EPB41L2: variants seen among roughly 807,000 people sequenced by gnomAD.
The protein encoded by EPB41L2 is erythrocyte membrane protein band 4.1 like 2.
A neutral mutation model predicts 113.0 loss-of-function variants in EPB41L2; 43 were observed. The ratio of observed to expected loss-of-function variants is 0.38; its 90% CI spans 0.30 to 0.49. The LOEUF (loss-of-function observed/expected upper bound fraction) is 0.49, where lower values mean the gene tolerates loss of function less well. Among genes scored for constraint, EPB41L2 ranks in the 20% least tolerant of loss-of-function variants. The pLI is 0.95. For synonymous variants in EPB41L2, 442 were observed against 436.7 expected, an observed-to-expected ratio of 1.01 and a Z score of -0.15; for missense variants, 1,147 against 1,223.4, an observed-to-expected ratio of 0.94 and a Z score of 0.93.
intron 1 of EPB41L2, among the ~76,000 whole-genome samples, chr6:131,050,412 C>T (rs982323230): frequency 1.3e-5 from 2 of 152,156 alleles, no homozygotes; most frequent in African/African-American, 4.8e-5. Flanking sequence ...TATTTATTCC[C>T]TGCAACATCT....
intron 18 of EPB41L2, among the ~76,000 whole-genome samples, chr6:130,861,006 A>G (rs1394365878): frequency 6.6e-6 from 1 of 152,158 alleles, no homozygotes; most frequent in African/African-American, 2.4e-5. Context: ...GCCAACACAA[A>G]AAAGATTTCT....
chr6:130,852,446 C>T (rs929624995), intron 19 of EPB41L2, among the ~76,000 whole-genome samples: 8 of 152,186 alleles, frequency 5.3e-5, no homozygotes, highest in Non-Finnish European at 1.0e-4. Flanking sequence ...TACACCTTTG[C>T]TTTAAGGTAG....
intron 1 of EPB41L2, among the ~76,000 whole-genome samples, chr6:131,026,027 A>G (rs561303852): frequency 1.4e-4 from 22 of 152,366 alleles, no homozygotes; most frequent in African/African-American, 5.3e-4. Context: ...GATTGAAATT[A>G]TTAAAAAGAC....
chr6:131,026,610 T>C (rs1790913046), intron 1 of EPB41L2, among the ~76,000 whole-genome samples: 1 of 152,160 alleles, frequency 6.6e-6, no homozygotes, highest in Admixed American at 6.6e-5. Context: ...TTTATGAGGG[T>C]AGTCACTTTG....
At chr6:130,881,992 C>T (rs1324084661) in intron 12 of EPB41L2, 1 of 152,172 alleles carries the variant, frequency 6.6e-6, no homozygotes. Context: ...GTAAAGGTTA[C>T]AGATACATCC....
In EPB41L2 at chr6:130,920,253, T is replaced by TA. The variant is rs978986041; in HGVS notation, c.810+6351dup. ...CGAGGCTATTTCAATTTAAATTACT[T>TA]ACAGTAAATAAAATTTAAGTCTATT... On this transcript the variant is annotated intron_variant, in intron 4 of 19. Coordinates refer to ENST00000337057, the MANE Select transcript of EPB41L2 (RefSeq NM_001431.4). Among the ~76,000 whole-genome samples, 11 of 152,348 alleles carry TA rather than the reference T, an allele frequency of 7.2e-5. 1 individual carries two copies. Among genetic ancestry groups the TA allele is most frequent in the Admixed American group, 6.5e-4 (10 of 15,300 alleles).
chr6:131,053,147 C>T (rs539334235), intron 1 of EPB41L2, among the ~76,000 whole-genome samples: 35 of 152,046 alleles, frequency 2.3e-4, no homozygotes, highest in Admixed American at 2.0e-4. Context: ...CTGCCCGCCT[C>T]GGCCTCCCAA....
chr6:130,935,864 A>G (rs1230473718), intron 3 of EPB41L2, among the ~76,000 whole-genome samples: 3 of 152,082 alleles, frequency 2.0e-5, no homozygotes, highest in Non-Finnish European at 4.4e-5. Flanking sequence ...CCAGGAACCA[A>G]TTCCCACTCC....
intron 10 of EPB41L2, among the ~76,000 whole-genome samples, chr6:130,893,859 G>A (rs1562414704): frequency 6.6e-6 from 1 of 152,170 alleles, no homozygotes. Flanking sequence ...AAGTCAGGAG[G>A]CAGCTGATGA....
chr6:130,843,212 T>TAAAG (rs1583446331), intron 19 of EPB41L2, among the ~76,000 whole-genome samples: 2 of 152,148 alleles, frequency 1.3e-5, no homozygotes, highest in African/African-American at 4.8e-5. Flanking sequence ...AGAGAAAAGA[T>TAAAG]AAAGACAGAA....
At chr6:130,951,946 G>A (rs1815268349) in intron 3 of EPB41L2, among the ~76,000 whole-genome samples, 1 of 152,098 alleles carries the variant, frequency 6.6e-6, no homozygotes, top group Non-Finnish European at 1.5e-5. Flanking sequence ...GTGGAAAAGA[G>A]CCATAACAAA....
chr6:130,883,974 C>G (rs1790101956), intron 12 of EPB41L2, among the ~76,000 whole-genome samples: 1 of 152,128 alleles, frequency 6.6e-6, no homozygotes, highest in Non-Finnish European at 1.5e-5. Context: ...GAGGCACTGG[C>G]AGCTACTTCA....
At chr6:130,988,601 T>C (rs1781111790) in intron 1 of EPB41L2, among the ~76,000 whole-genome samples, 2 of 152,142 alleles carry the variant, frequency 1.3e-5, no homozygotes, top group South Asian at 4.1e-4. Flanking sequence ...TATGTAAAAG[T>C]CTGCATAACA....
At chr6:130,987,550 G>A (rs1035144644) in intron 1 of EPB41L2, among the ~76,000 whole-genome samples, 10 of 152,122 alleles carry the variant, frequency 6.6e-5, no homozygotes, top group South Asian at 2.1e-4. Flanking sequence ...AAAATTAGCC[G>A]GGTGTGGTAG....
intron 19 of EPB41L2, among the ~76,000 whole-genome samples, chr6:130,841,366 G>A (rs1775437647): frequency 6.6e-6 from 1 of 152,162 alleles, no homozygotes; most frequent in Admixed American, 6.5e-5. Context: ...GTCATGCAGG[G>A]CATGATAAGC....
chr6:131,006,355 C>T (rs1336712554), intron 1 of EPB41L2, among the ~76,000 whole-genome samples: 2 of 151,280 alleles, frequency 1.3e-5, no homozygotes, highest in Admixed American at 6.6e-5. Context: ...CCGCACCCGA[C>T]GAACTTCTTT....
chr6:130,938,225 T>C (rs1425332982), intron 3 of EPB41L2, among the ~76,000 whole-genome samples: 1 of 152,366 alleles, frequency 6.6e-6, no homozygotes, highest in Admixed American at 6.5e-5. Context: ...AAGCAACTTC[T>C]AGGCAATCTA....
intron 1 of EPB41L2, among the ~76,000 whole-genome samples, chr6:131,017,480 T>C (rs1258348451): frequency 6.6e-6 from 1 of 152,230 alleles, no homozygotes; most frequent in Admixed American, 6.5e-5. Context: ...TCACAGTTTT[T>C]TTGTATTTTA....
chr6:130,971,477 G>A lies in EPB41L2; in HGVS notation c.-14-14978C>T, dbSNP rs773608837. Among the ~76,000 whole-genome samples, 4 of 152,096 alleles carry A rather than the reference G, an allele frequency of 2.6e-5. No individual in the cohort carries two copies. The East Asian group carries it at 7.7e-4, about 29-fold the overall frequency. The stretch of plus-strand genomic sequence containing the variant: ...CTTGTACTTTTATTACGTAGAATAA[G>A]GGTGATTTGAACACAAGCACTGTGA... On this transcript the variant is annotated intron_variant, in intron 1 of 19. Transcript: ENST00000337057.
Sources: allele counts gnomAD v4.1 joint callset (sites outside exome capture counted in the v4.1 genomes callset), GRCh38; gene constraint gnomAD v4.1.1; transcripts MANE v1.5; gene names NCBI Gene and HGNC (gene_info 2026-07-23, HGNC 2026-07-21).